TRDMT1: variants seen among roughly 807,000 people sequenced by gnomAD.
TRDMT1 encodes the protein tRNA aspartic acid methyltransferase 1, also known as tRNA (cytosine(38)-C(5))-methyltransferase.
Under a neutral mutation model 51.2 loss-of-function variants are expected in TRDMT1, and 49 were observed. The ratio of observed to expected loss-of-function variants is 0.96; its 90% CI spans 0.76 to 1.21. The LOEUF (loss-of-function observed/expected upper bound fraction) is 1.21. Among genes scored for constraint, TRDMT1 ranks in the 50% most tolerant of loss-of-function variants. The probability of loss-of-function intolerance (pLI) is 0.00; values close to 1 mark genes in which losing one functional copy is unlikely to be tolerated. For missense variants in TRDMT1, 534 were observed against 462.3 expected (o/e 1.16, Z -1.42); for synonymous variants, 187 against 164.6 (o/e 1.14, Z -1.04).
At chr10:17,178,098 T>A (rs980247219) in intron 1 of TRDMT1, among the ~76,000 whole-genome samples, 10 of 152,232 alleles carry the variant, frequency 6.6e-5, no homozygotes, top group African/African-American at 2.4e-4. Flanking sequence ...ATTCTATTCC[T>A]TCTTTATTAT....
chr10:17,153,748 T>C, intron 9 of TRDMT1, 112 bp from the exon 10 acceptor site: 3 of 1,145,112 alleles, frequency 2.6e-6, no homozygotes, highest in Non-Finnish European at 3.6e-6. Flanking sequence ...TAACACACAG[T>C]GGCAAAGTGC....
At position 17,144,654 on chromosome 10, in the gene TRDMT1, A is replaced by G. The variant is rs1837950552; in HGVS notation, c.*4386T>C. 1.0e-6 allele frequency: 1 copy of G among 985,254 alleles called. No homozygotes were observed. The highest frequency in any genetic ancestry group is 1.2e-6 in the Non-Finnish European group (1 of 829,882). The allele number at this position is 985,254 out of a possible 1,614,324, so 61.0% of individuals were successfully genotyped here. A position where few individuals can be genotyped will look rare whatever the true frequency, so the allele number is the denominator to read the frequency against. On this transcript the variant is annotated 3_prime_UTR_variant, in exon 11 of 11. Transcript: ENST00000377799. ...ATGCTCATATTTCTTGAACAAATATATTTAAAAAGAAATAAATTCACAAGC... is the reference window on the plus strand; with the variant it reads ...ATGCTCATATTTCTTGAACAAATATGTTTAAAAAGAAATAAATTCACAAGC...
Position 17,168,903 on chromosome 10 carries a change from T to A in TRDMT1, c.189A>T (p.Glu63Asp), listed in dbSNP as rs769559990. Residue 63 changes from glutamate to aspartate, a missense_variant, in exon 3 of 11, where the codon GAA becomes GAT. By Grantham distance (45) the Glu-to-Asp change is conservative (BLOSUM62 2). Transcript: ENST00000377799. ...TATCAAAAGATAATCTGTCAAACTCTTCGAGTGTAATGCCCTGAGGAATGA... is the reference window on the plus strand; with the variant it reads ...TATCAAAAGATAATCTGTCAAACTCATCGAGTGTAATGCCCTGAGGAATGA... ...LAKTIEGITL[E>D]EFDRLSFDMI... 1 of 1,611,468 alleles carries A rather than the reference T, an allele frequency of 6.2e-7. No homozygotes were observed. Among genetic ancestry groups the A allele is most frequent in the East Asian group, 2.2e-5 (1 of 44,818 alleles).
chr10:17,190,145 C>T (rs61841815), intron 1 of TRDMT1, among the ~76,000 whole-genome samples: 20,714 of 151,946 alleles, frequency 0.14, 1,487 homozygotes, highest in Admixed American at 0.17. Context: ...TTTACCTAGT[C>T]GCTAAAAATG....
rs1003155451 is a variant in TRDMT1 at position 17,146,397 on chromosome 10, T to C, written c.*2643A>G. On this transcript the variant is annotated 3_prime_UTR_variant, in exon 11 of 11. Coordinates refer to ENST00000377799, the MANE Select transcript of TRDMT1 (RefSeq NM_004412.7). ...GTGAAGGTGATGCCATCATTCCTCT[T>C]TCTTGCCTGCCACTGAGGATTGTCA... 1.0e-6 allele frequency: 1 copy of C among 985,408 alleles called. No individual in the cohort carries two copies. The highest frequency in any genetic ancestry group is 1.2e-6 in the Non-Finnish European group (1 of 829,926). The allele number at this position is 985,408 out of a possible 1,614,324, so 61.0% of individuals were successfully genotyped here. A position where few individuals can be genotyped will look rare whatever the true frequency, so the allele number is the denominator to read the frequency against.
rs369247717 is a variant in TRDMT1, at chr10:17,192,851, C to T, written c.64+8720G>A. Among the ~76,000 whole-genome samples the T allele has an allele frequency of 2.0e-4, 30 of 152,280 alleles. 1 individual carries two copies. Among genetic ancestry groups the T allele is most frequent in the Middle Eastern group, 3.4e-3 (1 of 294 alleles). On this transcript the variant is annotated intron_variant, in intron 1 of 10. Coordinates refer to ENST00000377799, the MANE Select transcript of TRDMT1 (RefSeq NM_004412.7). ...GGAAAAAGCTTTCAATAAAATCCAA[C>T]ATTTCCTCATGATAAAAACCCCTCA...
At chr10:17,150,296 A>G (rs1169726657) in intron 10 of TRDMT1, 4 of 757,654 alleles carry the variant, frequency 5.3e-6, no homozygotes, top group South Asian at 1.2e-4. Context: ...ATGTTGACTC[A>G]AATCCTTGCC....
rs141411248 is a variant in TRDMT1, at chr10:17,159,177, G to A, written c.512C>T (p.Ser171Leu). 2 of 1,604,528 alleles carry A rather than the reference G, an allele frequency of 1.2e-6. No individual in the cohort carries two copies. Among genetic ancestry groups the A allele is most frequent in the Non-Finnish European group, 1.7e-6 (2 of 1,174,980 alleles). ...AGGGGCTTGAAAGGGTAATGGCTCT[G>A]ACTGAAGCTTTGCAATAAGAAAATA... ...LRYFLIAKLQ[S>L]EPLPFQAPGQ... is the part of the protein sequence containing the mutation. The change falls in exon 7 of 11, where the codon TCA (serine) becomes TTA (leucine). Residue 171 changes from serine (S) to leucine (L), a missense_variant. Transcript: ENST00000377799.
chr10:17,158,141 T>C (rs1274441429), intron 7 of TRDMT1, among the ~76,000 whole-genome samples: 2 of 152,146 alleles, frequency 1.3e-5, no homozygotes, highest in Non-Finnish European at 2.9e-5. Context: ...AAAACATGTT[T>C]TGAATCAAGT....
chr10:17,167,195 C>A (rs944927941), intron 3 of TRDMT1, among the ~76,000 whole-genome samples: 1 of 152,160 alleles, frequency 6.6e-6, no homozygotes, highest in South Asian at 2.1e-4. Context: ...AGGTGAACCA[C>A]AAATCCTTGG....
At position 17,148,218 on chromosome 10, in the gene TRDMT1, G is replaced by T; in HGVS notation, c.*822C>A. The stretch of plus-strand genomic sequence containing the variant: ...CAATAAAGAACAACTGGGGGGAGGG[G>T]AGTACTGTCATATGACATGGGATCA... On this transcript the variant is annotated 3_prime_UTR_variant, in exon 11 of 11. Transcript: ENST00000377799. 1.0e-6 allele frequency: 1 copy of T among 985,404 alleles called. No individual in the cohort carries two copies. The highest frequency in any genetic ancestry group is 1.2e-6 in the Non-Finnish European group (1 of 829,948). 61.0% of individuals were successfully genotyped at this position (985,404 alleles called of 1,614,324 possible). A position where few individuals can be genotyped will look rare whatever the true frequency, so the allele number is the denominator to read the frequency against.
chr10:17,153,769 ATGGCTC>A, intron 9 of TRDMT1, 133 bp from the exon 10 acceptor site: 5 of 850,682 alleles, frequency 5.9e-6, no homozygotes, highest in Non-Finnish European at 8.8e-6. Flanking sequence ...ACAGGGCAAA[ATGGCTC>A]TGTGCAATAG....
In TRDMT1 at chr10:17,148,636, T is replaced by A; in HGVS notation, c.*404A>T. The A allele has an allele frequency of 1.0e-6, 1 of 967,710 alleles. No individual in the cohort carries two copies. The allele number at this position is 967,710 out of a possible 1,614,324, so 59.9% of individuals were successfully genotyped here. ...AACATTCAATGGGCTAGAATTAGAA[T>A]CATTATTTTAAAATTAGAAATAAAA... is the stretch of plus-strand genomic sequence containing the variant. On this transcript the variant is annotated 3_prime_UTR_variant, in exon 11 of 11. Transcript: ENST00000377799.
rs966364919 is a variant in TRDMT1, at chr10:17,145,527, T to C, written c.*3513A>G. On this transcript the variant is annotated 3_prime_UTR_variant, in exon 11 of 11. Coordinates refer to ENST00000377799, the MANE Select transcript of TRDMT1 (RefSeq NM_004412.7). Reference sequence around the variant, plus strand: ...GAGGCTATATGACCCTCACACAGTTTCAAAGTCCAAAGCTATTAGTAAGTC... The same window carrying C: ...GAGGCTATATGACCCTCACACAGTTCCAAAGTCCAAAGCTATTAGTAAGTC... 2.0e-6 allele frequency: 2 copies of C among 985,300 alleles called. No homozygotes were observed. The highest frequency in any genetic ancestry group is 9.4e-5 in the South Asian group (2 of 21,292). 61.0% of individuals were successfully genotyped at this position (985,300 alleles called of 1,614,324 possible).
chr10:17,175,458 C>T (rs140894469), intron 1 of TRDMT1, among the ~76,000 whole-genome samples: 2,085 of 152,236 alleles, frequency 0.014, 19 homozygotes, highest in Non-Finnish European at 0.022. Context: ...ACAATGACCA[C>T]CCTCTTTCCC....
chr10:17,144,153 C>T lies in TRDMT1; in HGVS notation c.*4887G>A, dbSNP rs1295611410. The T allele has an allele frequency of 1.0e-6, 1 of 985,566 alleles. No individual in the cohort carries two copies. Among genetic ancestry groups the T allele is most frequent in the Non-Finnish European group, 1.2e-6 (1 of 829,944 alleles). The allele number at this position is 985,566 out of a possible 1,614,324, so 61.1% of individuals were successfully genotyped here. ...CAGATAAGTCAGCTCCAAGCCTCTG[C>T]TCTTCTTTTTCTCTTTCTCTCTTTC... is the stretch of plus-strand genomic sequence containing the variant. On this transcript the variant is annotated 3_prime_UTR_variant, in exon 11 of 11. Transcript: ENST00000377799.
chr10:17,143,290 G>A lies in TRDMT1; in HGVS notation c.*5750C>T, dbSNP rs891656591. The A allele has an allele frequency of 1.0e-6, 1 of 984,280 alleles. No individual in the cohort carries two copies. The highest frequency in any genetic ancestry group is 6.2e-5 in the Admixed American group (1 of 16,244). 61.0% of individuals were successfully genotyped at this position (984,280 alleles called of 1,614,324 possible). A position where few individuals can be genotyped will look rare whatever the true frequency, so the allele number is the denominator to read the frequency against. Reference sequence around the variant, plus strand: ...TGCCAGTACTGTTTTAAGTCACTGGGGGGACAACGTATTAACAATCTCTGC... The same window carrying A: ...TGCCAGTACTGTTTTAAGTCACTGGAGGGACAACGTATTAACAATCTCTGC... On this transcript the variant is annotated 3_prime_UTR_variant, in exon 11 of 11. Transcript: ENST00000377799.
At chr10:17,159,521 C>T (rs1488965800) in intron 6 of TRDMT1, among the ~76,000 whole-genome samples, 2 of 152,078 alleles carry the variant, frequency 1.3e-5, no homozygotes, top group Non-Finnish European at 2.9e-5. Flanking sequence ...GATATTTTTA[C>T]ATTCATTATT....
chr10:17,196,205 G>T (rs1845408908), intron 1 of TRDMT1, among the ~76,000 whole-genome samples: 1 of 152,194 alleles, frequency 6.6e-6, no homozygotes, highest in African/African-American at 2.4e-5. Context: ...AAAATATTAA[G>T]GCTGAGTAAT....
Sources: allele counts gnomAD v4.1 joint callset (sites outside exome capture counted in the v4.1 genomes callset), GRCh38; gene constraint gnomAD v4.1.1; transcripts MANE v1.5; gene names NCBI Gene and HGNC (gene_info 2026-07-23, HGNC 2026-07-21).